SLC66A2: variants seen among roughly 807,000 people sequenced by gnomAD.
SLC66A2 encodes the protein solute carrier family 66 member 2.
A neutral mutation model predicts 25.5 loss-of-function variants in SLC66A2; 23 were observed. The ratio of observed to expected loss-of-function variants is 0.90; its 90% CI spans 0.65 to 1.28. The LOEUF (loss-of-function observed/expected upper bound fraction) is 1.28, where lower values mean the gene tolerates loss of function less well. Ranked by LOEUF, SLC66A2 falls within the 50% of genes most tolerant of loss-of-function variation. SLC66A2 has a pLI of 0.00. For synonymous variants in SLC66A2, 193 were observed against 166.5 expected, an observed-to-expected ratio of 1.16 and a Z score of -1.23; for missense variants, 396 against 373.1, an observed-to-expected ratio of 1.06 and a Z score of -0.51.
At chr18:79,950,692 G>C (rs749922108) in intron 2 of SLC66A2, 32 bp downstream of exon 2, 7 of 1,608,430 alleles carry the variant, frequency 4.4e-6, no homozygotes, top group Non-Finnish European at 6.0e-6. Flanking sequence ...TCTTCTCCGG[G>C]TGCAGCCCAG....
At chr18:79,943,210 G>A (rs528748281) in intron 3 of SLC66A2, 119 bp downstream of exon 3, 2 of 1,255,382 alleles carry the variant, frequency 1.6e-6, no homozygotes, top group African/African-American at 1.5e-5. Context: ...GGAGATAACA[G>A]CACCACTTGG....
chr18:79,915,491 G>A (rs1356216931), intron 5 of SLC66A2: 4 of 152,356 alleles, frequency 2.6e-5, no homozygotes, highest in Admixed American at 2.6e-4. Flanking sequence ...TCCCGCACTT[G>A]AAGCTGGCTG....
intron 4 of SLC66A2, among the ~76,000 whole-genome samples, chr18:79,931,815 C>A (rs976203608): frequency 6.6e-6 from 1 of 152,050 alleles, no homozygotes; most frequent in Non-Finnish European, 1.5e-5. Flanking sequence ...GAGTTTGAGA[C>A]CAGCCTGGTA....
intron 5 of SLC66A2, among the ~76,000 whole-genome samples, chr18:79,915,023 T>G (rs1277032937): frequency 6.6e-6 from 1 of 152,240 alleles, no homozygotes; most frequent in Non-Finnish European, 1.5e-5. Context: ...AGGCTGGGCC[T>G]GGAGTGGTCC....
rs867216679 is a variant in SLC66A2, at chr18:79,921,604, A to G, written c.392-2204T>C. 4.5e-3 allele frequency among the ~76,000 whole-genome samples: 3 copies of G among 660 alleles called. 1 individual carries two copies. Among genetic ancestry groups the G allele is most frequent in the African/African-American group, 4.9e-3 (3 of 616 alleles). 0.4% of individuals were successfully genotyped at this position (660 alleles called of 152,430 possible). A position where few individuals can be genotyped will look rare whatever the true frequency, so the allele number is the denominator to read the frequency against. ...ACCGAGGGAGAGGTCAAGCTCAGTGAGGAGAGACAGGAACCGAGGGAGAGG... is the reference window on the plus strand; with the variant it reads ...ACCGAGGGAGAGGTCAAGCTCAGTGGGGAGAGACAGGAACCGAGGGAGAGG... On this transcript the variant is annotated intron_variant, in intron 4 of 5. Transcript: ENST00000397778.
intron 4 of SLC66A2, chr18:79,930,183 G>A (rs939693822): frequency 1.3e-5 from 2 of 151,950 alleles, no homozygotes; most frequent in African/African-American, 4.8e-5. Context: ...AAAAAACAAA[G>A]ACAAAATCTT....
At chr18:79,948,464 G>GGA (rs1568343141) in intron 2 of SLC66A2, among the ~76,000 whole-genome samples, 12 of 152,132 alleles carry the variant, frequency 7.9e-5, no homozygotes, top group African/African-American at 2.9e-4. Flanking sequence ...TCACAGCCTC[G>GGA]CAAGTAGCTA....
chr18:79,904,478 G>A lies in SLC66A2; in HGVS notation c.609-295C>T, dbSNP rs998478168. 5.9e-5 allele frequency among the ~76,000 whole-genome samples: 9 copies of A among 152,128 alleles called. No individual in the cohort carries two copies. The highest frequency in any genetic ancestry group is 8.8e-5 in the Non-Finnish European group (6 of 67,996). On this transcript the variant is annotated intron_variant, in intron 5 of 5. Coordinates refer to ENST00000397778, the MANE Select transcript of SLC66A2 (RefSeq NM_025078.5). This position sits in a 1 kb window ranked among gnomAD's most constrained non-coding sequence, Gnocchi z 6.3. ...CCCCACCCTTGACTTCTCTGTGGCC[G>A]CAAGAGCTGCCGCCTGGCTGGGGCT... is the stretch of plus-strand genomic sequence containing the variant.
intron 4 of SLC66A2, among the ~76,000 whole-genome samples, chr18:79,933,706 T>C (rs1371044722): frequency 6.6e-6 from 1 of 152,236 alleles, no homozygotes; most frequent in African/African-American, 2.4e-5. Flanking sequence ...TCTAAATTTT[T>C]CTCCTCCCTT....
At chr18:79,921,717 G>GA (rs1340338707) in intron 4 of SLC66A2, among the ~76,000 whole-genome samples, 2 of 8,814 alleles carry the variant, frequency 2.3e-4, no homozygotes, top group Non-Finnish European at 8.7e-4. Flanking sequence ...AAGGTCAGTG[G>GA]GGAGAGACAG....
intron 3 of SLC66A2, among the ~76,000 whole-genome samples, chr18:79,938,156 A>AAAG (rs896985418): frequency 2.0e-5 from 3 of 151,074 alleles, no homozygotes; most frequent in Non-Finnish European, 4.4e-5. Flanking sequence ...AAAAAAAAAA[A>AAAG]AAAGAAAGAA....
At chr18:79,936,275 G>A (rs1326802701) in intron 3 of SLC66A2, among the ~76,000 whole-genome samples, 1 of 152,208 alleles carries the variant, frequency 6.6e-6, no homozygotes, top group Non-Finnish European at 1.5e-5. Context: ...CCAATGGGAG[G>A]TACACAGGCA....
chr18:79,934,946 C>T (rs1430596), intron 3 of SLC66A2, among the ~76,000 whole-genome samples: 136,589 of 152,166 alleles, frequency 0.9, 63,223 homozygotes, highest in East Asian at 1. Flanking sequence ...ACTGCAATAT[C>T]TCTACCAAAT....
At position 79,904,036 on chromosome 18, in the gene SLC66A2, G is replaced by A; in HGVS notation, c.756C>T (p.Ala252=). ...LAILGQAYAF[A]RHPQKPAPHA... Reference sequence around the variant, plus strand: ...GGGGCGCCGGCTTCTGGGGGTGGCGGGCGAAGGCGTAGGCCTGCCCCAGGA... The same window carrying A: ...GGGGCGCCGGCTTCTGGGGGTGGCGAGCGAAGGCGTAGGCCTGCCCCAGGA... Residue 252 remains alanine (A), a synonymous_variant, in exon 6 of 6, where the codon GCC becomes GCT. Coordinates refer to ENST00000397778, the MANE Select transcript of SLC66A2 (RefSeq NM_025078.5). The surrounding 1 kb of genome is among the most constrained non-coding windows in gnomAD (Gnocchi z 6.3). The A allele has an allele frequency of 6.2e-7, 1 of 1,606,930 alleles. No individual in the cohort carries two copies. The highest frequency in any genetic ancestry group is 8.5e-7 in the Non-Finnish European group (1 of 1,177,286).
rs1022142689 is a variant in SLC66A2 at position 79,937,263 on chromosome 18, C to T, written c.338-3241G>A. ...TGGGGCAGGAGATGTAGCCGCCACACGAGCACCCTGTTATACCAGGATCCT... is the reference window on the plus strand; with the variant it reads ...TGGGGCAGGAGATGTAGCCGCCACATGAGCACCCTGTTATACCAGGATCCT... On this transcript the variant is annotated intron_variant, in intron 3 of 5. Coordinates refer to ENST00000397778, the MANE Select transcript of SLC66A2 (RefSeq NM_025078.5). The surrounding 1 kb of genome is among the most constrained non-coding windows in gnomAD (Gnocchi z 5.4). Among the ~76,000 whole-genome samples the T allele has an allele frequency of 3.3e-5, 5 of 152,192 alleles. No homozygotes were observed. Among genetic ancestry groups the T allele is most frequent in the South Asian group, 2.1e-4 (1 of 4,824 alleles).
chr18:79,922,846 A>G (rs1426975925), intron 4 of SLC66A2, among the ~76,000 whole-genome samples: 1 of 35,320 alleles, frequency 2.8e-5, no homozygotes, highest in East Asian at 7.5e-4. Context: ...GGGTTGGGGT[A>G]TGGTGAGGTT....
intron 4 of SLC66A2, among the ~76,000 whole-genome samples, chr18:79,924,559 A>C (rs1985697453): frequency 1.3e-5 from 2 of 152,220 alleles, no homozygotes; most frequent in Non-Finnish European, 2.9e-5. Context: ...GTGCACTTTT[A>C]AATGGTGATA....
At chr18:79,919,056 A>T (rs1157831394) in intron 5 of SLC66A2, 128 bp downstream of exon 5, 1 of 847,912 alleles carries the variant, frequency 1.2e-6, no homozygotes, top group Non-Finnish European at 1.8e-6. Flanking sequence ...CTATTCTTTA[A>T]CCGGCAGCTT....
At position 79,940,335 on chromosome 18, in the gene SLC66A2, G is replaced by A. The variant is rs962846299; in HGVS notation, c.337+2994C>T. On this transcript the variant is annotated intron_variant, in intron 3 of 5. Transcript: ENST00000397778. The surrounding 1 kb of genome is among the most constrained non-coding windows in gnomAD (Gnocchi z 4.1). ...ATCTGCACACTGGCCGGGCGCAGTG[G>A]GTCACGCCCGTAATGCCAGCACTTC... 3.3e-5 allele frequency among the ~76,000 whole-genome samples: 5 copies of A among 152,076 alleles called. No individual in the cohort carries two copies. The highest frequency in any genetic ancestry group is 7.4e-5 in the Non-Finnish European group (5 of 68,002).
Sources: gnomAD v4.1 joint callset for allele counts (sites outside exome capture counted in the v4.1 genomes callset) on GRCh38, gnomAD v4.1.1 for gene constraint, Gnocchi (gnomAD v3.1) non-coding constraint, MANE v1.5 for transcripts, NCBI Gene and HGNC (gene_info 2026-07-23, HGNC 2026-07-21) for gene names.